The following PCDHA4 variants were observed in gnomAD, a reference collection of about 807,000 sequenced individuals.
PCDHA4 encodes protocadherin alpha 4.
PCDHA4 carries 49 observed loss-of-function variants against 61.4 expected under a neutral mutation model. That is an observed-to-expected ratio of 0.80 (90% CI 0.63 to 1.01). PCDHA4 has a LOEUF of 1.01. PCDHA4 is among the 50% of genes least tolerant of loss of function. The probability of loss-of-function intolerance (pLI) is 0.00; values close to 1 mark genes in which losing one functional copy is unlikely to be tolerated. For missense variants in PCDHA4, 1,254 were observed against 1,235.8 expected (o/e 1.01, Z -0.22); for synonymous variants, 590 against 550.3 (o/e 1.07, Z -1.01).
intron 1 of PCDHA4, chr5:140,883,163 A>C: frequency 6.2e-7 from 1 of 1,614,068 alleles, no homozygotes; most frequent in South Asian, 1.1e-5. Context: ...AAATCCGAAC[A>C]ATGGAGAAAT....
At chr5:140,869,650 C>G in intron 1 of PCDHA4, 1 of 1,613,504 alleles carries the variant, frequency 6.2e-7, no homozygotes, top group Non-Finnish European at 8.5e-7. Context: ...TTTAGATTCA[C>G]CAACAAATGG....
chr5:140,875,813 T>A, intron 1 of PCDHA4: 2 of 1,614,174 alleles, frequency 1.2e-6, no homozygotes, highest in Non-Finnish European at 1.7e-6. Context: ...GACAGGCCGC[T>A]GCAGGTTTTC....
At chr5:140,896,116 A>G (rs2065393833) in intron 1 of PCDHA4, among the ~76,000 whole-genome samples, 1 of 152,044 alleles carries the variant, frequency 6.6e-6, no homozygotes, top group Admixed American at 6.6e-5. Context: ...TGGCCAATGT[A>G]CTGCATTTTA....
chr5:140,813,905 G>C (rs2126650686), intron 1 of PCDHA4: 1 of 152,418 alleles, frequency 6.6e-6, no homozygotes, highest in African/African-American at 2.4e-5. Context: ...AGGCTGAAGT[G>C]GGAGGATCCT....
At chr5:140,926,391 A>G (rs76822698) in intron 1 of PCDHA4, 1 of 152,346 alleles carries the variant, frequency 6.6e-6, no homozygotes, top group East Asian at 1.9e-4. Context: ...GGGCTCAGCC[A>G]CAGTTATCAG....
Position 140,815,237 on chromosome 5 carries a change from T to C in PCDHA4, c.2385+5665T>C, listed in dbSNP as rs972816708. The stretch of plus-strand genomic sequence containing the variant: ...TTACTGTTGCCTCTTTGTTAATTGT[T>C]GTTTGCAGCTTGTAGACTTTTTGCT... On this transcript the variant is annotated intron_variant, in intron 1 of 3. Coordinates refer to ENST00000530339, the MANE Select transcript of PCDHA4 (RefSeq NM_018907.4). The C allele has an allele frequency of 2.0e-5, 3 of 152,152 alleles. 1 individual carries two copies. The highest frequency in any genetic ancestry group is 2.0e-4 in the Admixed American group (3 of 15,276). 9.4% of individuals were successfully genotyped at this position (152,152 alleles called of 1,614,324 possible).
At chr5:140,848,593 A>G in intron 1 of PCDHA4, 1 of 1,593,964 alleles carries the variant, frequency 6.3e-7, no homozygotes, top group Non-Finnish European at 8.6e-7. Flanking sequence ...CAGCTCCACT[A>G]CTCCGTCCCG....
At position 140,836,088 on chromosome 5, in the gene PCDHA4, C is replaced by T. The variant is rs2150252378; in HGVS notation, c.2385+26516C>T. On this transcript the variant is annotated intron_variant, in intron 1 of 3. Transcript: ENST00000530339. ...CAACGCGCCGGCACTGCTGGCGCCT[C>T]GGGTGGGTGGCACTGGTGGCGCAGT... is the stretch of plus-strand genomic sequence containing the variant. 2.5e-6 allele frequency: 4 copies of T among 1,613,654 alleles called. No individual in the cohort carries two copies. The South Asian group carries it at 3.3e-5, about 13-fold the overall frequency.
chr5:140,813,422 G>GTACTGAA (rs1317983583), intron 1 of PCDHA4: 2 of 152,166 alleles, frequency 1.3e-5, no homozygotes, highest in African/African-American at 4.8e-5. Flanking sequence ...TATGTTAACT[G>GTACTGAA]TACTGAATAC....
rs1764412049 is a variant in PCDHA4, at chr5:140,809,267, G to A, written c.2080G>A (p.Val694Met). ...VGAVGPDAAL[V>M]DVNVYLIIAI... ...CGCTGTGGGTCCCGATGCTGCGCTGGTGGATGTCAACGTATACCTGATCAT... is the reference window on the plus strand; with the variant it reads ...CGCTGTGGGTCCCGATGCTGCGCTGATGGATGTCAACGTATACCTGATCAT... The change falls in exon 1 of 4, where the codon GTG becomes ATG. Residue 694 changes from valine (V) to methionine (M), a missense_variant. Coordinates refer to ENST00000530339, the MANE Select transcript of PCDHA4 (RefSeq NM_018907.4). The A allele has an allele frequency of 1.2e-6, 2 of 1,613,996 alleles. No homozygotes were observed. The highest frequency in any genetic ancestry group is 8.5e-7 in the Non-Finnish European group (1 of 1,179,974).
intron 1 of PCDHA4, chr5:140,809,895 A>G (rs1764562503): frequency 9.8e-6 from 2 of 203,636 alleles, no homozygotes; most frequent in African/African-American, 4.7e-5. Context: ...CATATAAACA[A>G]ATGTGCACAG....
chr5:140,966,926 C>T (rs782811757), intron 1 of PCDHA4: 22 of 1,603,344 alleles, frequency 1.4e-5, no homozygotes, highest in Middle Eastern at 1.6e-4. Context: ...GGAGCAGGCA[C>T]CCGGCGCGCT....
intron 1 of PCDHA4, among the ~76,000 whole-genome samples, chr5:140,935,284 A>G (rs576807866): frequency 6.6e-6 from 1 of 152,340 alleles, no homozygotes; most frequent in South Asian, 2.1e-4. Context: ...AATAAAGTTC[A>G]GCACTCCGAG....
intron 3 of PCDHA4, among the ~76,000 whole-genome samples, chr5:141,002,004 A>G (rs1386748835): frequency 2.0e-5 from 3 of 152,210 alleles, no homozygotes; most frequent in Non-Finnish European, 4.4e-5. Context: ...TTGCAAACAC[A>G]GAATCTGCAC....
At chr5:140,903,351 A>G (rs2070226814) in intron 1 of PCDHA4, among the ~76,000 whole-genome samples, 1 of 152,236 alleles carries the variant, frequency 6.6e-6, no homozygotes, top group Non-Finnish European at 1.5e-5. Context: ...TTTAAAAAAC[A>G]AGTTTTTCAA....
chr5:141,005,335 G>A, intron 3 of PCDHA4, among the ~76,000 whole-genome samples: 1 of 152,148 alleles, frequency 6.6e-6, no homozygotes, highest in Middle Eastern at 3.2e-3. Context: ...ATAGGCCAAG[G>A]GGGTGCTGCT....
At chr5:140,832,628 G>T (rs2150202916) in intron 1 of PCDHA4, among the ~76,000 whole-genome samples, 2 of 152,228 alleles carry the variant, frequency 1.3e-5, no homozygotes, top group South Asian at 2.1e-4. Flanking sequence ...TTTTTAAAAA[G>T]TTCCTAGGAG....
chr5:140,918,334 A>G (rs1419491986), intron 1 of PCDHA4, among the ~76,000 whole-genome samples: 1 of 152,144 alleles, frequency 6.6e-6, no homozygotes, highest in Non-Finnish European at 1.5e-5. Context: ...ATTGTCTGCT[A>G]AGAGAGATAG....
intron 1 of PCDHA4, chr5:140,871,619 A>C: frequency 7.1e-7 from 1 of 1,415,536 alleles, no homozygotes; most frequent in Non-Finnish European, 9.4e-7. Context: ...ATTGTTTTAG[A>C]TAACAATGTC....
Sources: allele counts gnomAD v4.1 joint callset (sites outside exome capture counted in the v4.1 genomes callset), GRCh38; gene constraint gnomAD v4.1.1; transcripts MANE v1.5; gene names NCBI Gene and HGNC (gene_info 2026-07-23, HGNC 2026-07-21).